Variants in FANCC observed in about 807,000 individuals in gnomAD.
The protein encoded by FANCC is FA complementation group C.
FANCC carries 55 observed loss-of-function variants against 71.3 expected under a neutral mutation model. The observed-to-expected ratio is 0.77, with a 90% confidence interval of 0.62 to 0.97. FANCC has a LOEUF of 0.97. Ranked by LOEUF, FANCC falls within the 50% of genes least tolerant of loss-of-function variation. The probability of loss-of-function intolerance (pLI) is 0.00; values close to 1 mark genes in which losing one functional copy is unlikely to be tolerated. For synonymous variants in FANCC, 275 were observed against 244.9 expected (o/e 1.12, Z -1.15); for missense variants, 678 against 670.9 (o/e 1.01, Z -0.12).
rs2071075902 is a variant in FANCC, at chr9:95,101,613, A to G, written c.*94T>C. 2 of 1,491,094 alleles carry G rather than the reference A, an allele frequency of 1.3e-6. No homozygotes were observed. Among genetic ancestry groups the G allele is most frequent in the Non-Finnish European group, 1.8e-6 (2 of 1,083,074 alleles). 92.4% of individuals were successfully genotyped at this position (1,491,094 alleles called of 1,614,324 possible). ...TTCTCACAGCCCAGCGAGGGCACTT[A>G]CTCCACAAATGCGTGGCCACAGGTC... On this transcript the variant is annotated 3_prime_UTR_variant, in exon 15 of 15. Coordinates refer to ENST00000289081, the MANE Select transcript of FANCC (RefSeq NM_000136.3).
At chr9:95,186,217 C>G (rs2135707968) in intron 4 of FANCC, among the ~76,000 whole-genome samples, 1 of 152,322 alleles carries the variant, frequency 6.6e-6, no homozygotes, top group Middle Eastern at 3.4e-3. Flanking sequence ...ATTGGTCAAG[C>G]CCCTTAATAA....
At chr9:95,241,160 T>C (rs1303132392) in intron 3 of FANCC, among the ~76,000 whole-genome samples, 1 of 152,226 alleles carries the variant, frequency 6.6e-6, no homozygotes, top group Non-Finnish European at 1.5e-5. Flanking sequence ...AATTTCGACC[T>C]TTCTAAGGCA....
At chr9:95,290,110 T>C (rs185921216) in intron 1 of FANCC, among the ~76,000 whole-genome samples, 36 of 152,240 alleles carry the variant, frequency 2.4e-4, no homozygotes, top group Non-Finnish European at 3.8e-4. Flanking sequence ...ACCTCCTGAG[T>C]AGGCACACAT....
At chr9:95,292,499 G>T (rs1211802925) in intron 1 of FANCC, 1 of 1,431,260 alleles carries the variant, frequency 7.0e-7, no homozygotes, top group Non-Finnish European at 9.1e-7. Flanking sequence ...CCGCGGGGGT[G>T]ACGCAGCAGC....
chr9:95,156,832 T>C (rs1000010626), intron 6 of FANCC, among the ~76,000 whole-genome samples: 1 of 152,218 alleles, frequency 6.6e-6, no homozygotes, highest in African/African-American at 2.4e-5. Flanking sequence ...ATCATAATTT[T>C]TGCTGTCATT....
intron 10 of FANCC, chr9:95,123,876 AG>A (rs1001368572): frequency 3.7e-6 from 2 of 543,378 alleles, no homozygotes; most frequent in Non-Finnish European, 6.9e-6. Flanking sequence ...TAAGGAGTTG[AG>A]TCCTTAAAGT....
chr9:95,146,451 G>A (rs2135383713), intron 7 of FANCC, among the ~76,000 whole-genome samples: 1 of 111,572 alleles, frequency 9.0e-6, no homozygotes, highest in African/African-American at 3.5e-5. Context: ...CTGCACCACT[G>A]CACTCCAGCC....
At chr9:95,245,346 A>G (rs1390007706) in intron 3 of FANCC, among the ~76,000 whole-genome samples, 1 of 152,052 alleles carries the variant, frequency 6.6e-6, no homozygotes, top group Non-Finnish European at 1.5e-5. Flanking sequence ...CAGAATAATA[A>G]TACAATAGTC....
At chr9:95,219,781 G>T (rs975109683) in intron 4 of FANCC, among the ~76,000 whole-genome samples, 2 of 152,074 alleles carry the variant, frequency 1.3e-5, no homozygotes, top group Admixed American at 1.3e-4. Flanking sequence ...AAACCTAGGC[G>T]TACCATTCAG....
chr9:95,198,673 C>T (rs1322891999), intron 4 of FANCC, among the ~76,000 whole-genome samples: 1 of 151,634 alleles, frequency 6.6e-6, no homozygotes, highest in Non-Finnish European at 1.5e-5. Flanking sequence ...ATGATGTCTC[C>T]CAGTCTCATA....
At chr9:95,249,447 G>A (rs1269297838) in intron 1 of FANCC, 78 bp from the exon 2 acceptor site, 2 of 709,686 alleles carry the variant, frequency 2.8e-6, no homozygotes, top group East Asian at 5.4e-5. Context: ...GATGGGTGAA[G>A]GAGGGATTAC....
At chr9:95,260,657 T>C (rs2136165205) in intron 1 of FANCC, among the ~76,000 whole-genome samples, 1 of 146,754 alleles carries the variant, frequency 6.8e-6, no homozygotes, top group Non-Finnish European at 1.5e-5. Flanking sequence ...ACCTGCACAT[T>C]CTGCACATGT....
In FANCC at chr9:95,268,918, C is replaced by A. The variant is rs1288907094; in HGVS notation, c.-78-19549G>T. 2.0e-5 allele frequency among the ~76,000 whole-genome samples: 3 copies of A among 152,184 alleles called. No homozygotes were observed. In the East Asian group the frequency reaches 5.8e-4, roughly 29 times the overall value. ...CAGCCGCTGTGCTCTCAGAACCTCTCCAAAGCCGATGCTATGCTATAGCAC... is the reference window on the plus strand; with the variant it reads ...CAGCCGCTGTGCTCTCAGAACCTCTACAAAGCCGATGCTATGCTATAGCAC... On this transcript the variant is annotated intron_variant, in intron 1 of 14. Coordinates refer to ENST00000289081, the MANE Select transcript of FANCC (RefSeq NM_000136.3).
chr9:95,307,144 C>T (rs1264503218), intron 1 of FANCC, among the ~76,000 whole-genome samples: 1 of 152,184 alleles, frequency 6.6e-6, no homozygotes, highest in Non-Finnish European at 1.5e-5. Flanking sequence ...CTCTGCCTCC[C>T]AAAGTGCTGG....
intron 4 of FANCC, among the ~76,000 whole-genome samples, chr9:95,240,205 C>T (rs968391900): frequency 2.0e-5 from 3 of 152,108 alleles, no homozygotes; most frequent in African/African-American, 7.2e-5. Context: ...GCACCAACTT[C>T]GGGACACAAA....
chr9:95,290,855 A>C (rs979878412), intron 1 of FANCC, among the ~76,000 whole-genome samples: 6 of 152,222 alleles, frequency 3.9e-5, no homozygotes, highest in Admixed American at 1.3e-4. Context: ...AGAATTCAAC[A>C]ACACATAAAA....
rs986830070 is a variant in FANCC, at chr9:95,248,849, C to T, written c.165+278G>A. 9.9e-5 allele frequency among the ~76,000 whole-genome samples: 15 copies of T among 152,202 alleles called. 1 individual carries two copies. The highest frequency in any genetic ancestry group is 3.6e-4 in the African/African-American group (15 of 41,546). On this transcript the variant is annotated intron_variant, in intron 2 of 14. Coordinates refer to ENST00000289081, the MANE Select transcript of FANCC (RefSeq NM_000136.3). ...GACACAAAGGCCTTCAAAAGAATCC[C>T]ATTTACTACTTGACAACAAGCATGA...
At chr9:95,269,866 G>A (rs1050131956) in intron 1 of FANCC, among the ~76,000 whole-genome samples, 1 of 152,122 alleles carries the variant, frequency 6.6e-6, no homozygotes, top group East Asian at 1.9e-4. Flanking sequence ...AAAGTATAGA[G>A]AAAGAAATAA....
intron 1 of FANCC, among the ~76,000 whole-genome samples, chr9:95,263,646 C>T (rs1832206279): frequency 6.6e-6 from 1 of 152,060 alleles, no homozygotes; most frequent in East Asian, 1.9e-4. Flanking sequence ...GAGAGGTCAT[C>T]ATCATCTATC....
Sources: allele counts gnomAD v4.1 joint callset (sites outside exome capture counted in the v4.1 genomes callset), GRCh38; gene constraint gnomAD v4.1.1; transcripts MANE v1.5; gene names NCBI Gene and HGNC (gene_info 2026-07-23, HGNC 2026-07-21).